ANKRD28: variants seen among roughly 807,000 people sequenced by gnomAD.
ANKRD28 encodes ankyrin repeat domain 28.
In ANKRD28, 44 loss-of-function variants were observed where a neutral mutation model predicts 126.5. That is an observed-to-expected ratio of 0.35 (90% CI 0.27 to 0.45). The LOEUF is 0.45. ANKRD28 is among the 20% of genes least tolerant of loss of function. ANKRD28 has a pLI of 1.00. For synonymous variants in ANKRD28, 442 were observed against 468.5 expected (o/e 0.94, Z 0.73); for missense variants, 1,110 against 1,316.6 (o/e 0.84, Z 2.43).
chr3:15,726,941 C>T (rs1041743337), intron 6 of ANKRD28, among the ~76,000 whole-genome samples: 9 of 152,180 alleles, frequency 5.9e-5, no homozygotes, highest in African/African-American at 1.9e-4. Context: ...TGGAACAAAG[C>T]CTGGATGACA....
At chr3:15,711,110 T>C (rs2072213381) in intron 12 of ANKRD28, 101 bp downstream of exon 12, 3 of 1,035,136 alleles carry the variant, frequency 2.9e-6, no homozygotes, top group Middle Eastern at 2.5e-4. Flanking sequence ...TTGTTTTCTA[T>C]TTTCTGGCAG....
At chr3:15,851,121 G>A (rs1430416710) in intron 1 of ANKRD28, among the ~76,000 whole-genome samples, 1 of 152,088 alleles carries the variant, frequency 6.6e-6, no homozygotes, top group Non-Finnish European at 1.5e-5. Flanking sequence ...AGAGAAACTG[G>A]GTTTGTTTTT....
At chr3:15,754,651 A>G (rs1360895681) in intron 3 of ANKRD28, among the ~76,000 whole-genome samples, 1 of 152,156 alleles carries the variant, frequency 6.6e-6, no homozygotes. Context: ...ATACCTCTTC[A>G]AAAGGGGGTA....
intron 14 of ANKRD28, among the ~76,000 whole-genome samples, chr3:15,704,871 C>G (rs185430261): frequency 1.3e-5 from 2 of 152,260 alleles, no homozygotes; most frequent in East Asian, 3.9e-4. Context: ...TGATGGCACT[C>G]GACAGGCTCT....
intron 1 of ANKRD28, among the ~76,000 whole-genome samples, chr3:15,825,506 T>C (rs1206203746): frequency 6.6e-6 from 1 of 152,036 alleles, no homozygotes; most frequent in African/African-American, 2.4e-5. Context: ...AAGAATAAAA[T>C]TCTAGGTCAT....
At chr3:15,752,928 T>G (rs939106017) in intron 3 of ANKRD28, among the ~76,000 whole-genome samples, 3 of 152,220 alleles carry the variant, frequency 2.0e-5, no homozygotes, top group African/African-American at 7.2e-5. Context: ...AAGATTAACA[T>G]ATAATAAATG....
At chr3:15,725,024 T>C (rs1441877116) in intron 6 of ANKRD28, among the ~76,000 whole-genome samples, 6 of 152,106 alleles carry the variant, frequency 3.9e-5, no homozygotes, top group Non-Finnish European at 8.8e-5. Flanking sequence ...ATAATTTTGG[T>C]AAGTGTTGGC....
At chr3:15,803,668 T>C (rs1274029103) in intron 1 of ANKRD28, among the ~76,000 whole-genome samples, 3 of 115,316 alleles carry the variant, frequency 2.6e-5, no homozygotes, top group South Asian at 3.4e-4. Flanking sequence ...TAGGACATGT[T>C]AATAGACTGG....
In ANKRD28 at chr3:15,796,560, A is replaced by G. The variant is rs1026164428; in HGVS notation, c.-39T>C. The G allele has an allele frequency of 1.0e-5, 13 of 1,259,622 alleles. No individual in the cohort carries two copies. The highest frequency in any genetic ancestry group is 1.3e-5 in the Non-Finnish European group (13 of 970,466). The allele number at this position is 1,259,622 out of a possible 1,614,324, so 78.0% of individuals were successfully genotyped here. The stretch of plus-strand genomic sequence containing the variant: ...ACACTAAATTCCAAGCTATGTGATA[A>G]AAGTCACAGTTGGAAGAGCACAAGT... On this transcript the variant is annotated 5_prime_UTR_variant, in exon 1 of 28. Coordinates refer to ENST00000683139, the MANE Select transcript of ANKRD28 (RefSeq NM_001349278.2).
At chr3:15,760,548 A>G (rs997690892) in intron 3 of ANKRD28, among the ~76,000 whole-genome samples, 1 of 152,218 alleles carries the variant, frequency 6.6e-6, no homozygotes, top group African/African-American at 2.4e-5. Flanking sequence ...TACAGAGTAG[A>G]GTAAACTAGG....
At chr3:15,677,306 C>G (rs1006646961) in intron 25 of ANKRD28, among the ~76,000 whole-genome samples, 174 bp downstream of exon 25, 7 of 152,130 alleles carry the variant, frequency 4.6e-5, no homozygotes, top group African/African-American at 1.4e-4. Flanking sequence ...ATTTGGCTTA[C>G]TGGAGACTTT....
At chr3:15,767,895 A>G (rs1320069425) in intron 2 of ANKRD28, among the ~76,000 whole-genome samples, 1 of 148,976 alleles carries the variant, frequency 6.7e-6, no homozygotes, top group Non-Finnish European at 1.5e-5. Flanking sequence ...CACCAAAACA[A>G]AACAAAACAA....
intron 1 of ANKRD28, among the ~76,000 whole-genome samples, chr3:15,831,734 C>T (rs1393749768): frequency 1.3e-5 from 2 of 152,200 alleles, no homozygotes; most frequent in Non-Finnish European, 2.9e-5. Context: ...AAAGCAATTG[C>T]ACATTCTGAG....
chr3:15,722,138 C>G (rs1018404136), intron 7 of ANKRD28, among the ~76,000 whole-genome samples: 2 of 152,112 alleles, frequency 1.3e-5, no homozygotes, highest in Admixed American at 1.3e-4. Context: ...CTGTCCTTTG[C>G]CCCTGGCTTC....
intron 1 of ANKRD28, among the ~76,000 whole-genome samples, chr3:15,840,704 G>A (rs1215203002): frequency 6.6e-6 from 1 of 152,154 alleles, no homozygotes; most frequent in Non-Finnish European, 1.5e-5. Context: ...ATAGATCAGT[G>A]GAACACAATA....
intron 1 of ANKRD28, among the ~76,000 whole-genome samples, chr3:15,822,577 C>T (rs1045875120): frequency 1.3e-5 from 2 of 151,960 alleles, no homozygotes; most frequent in African/African-American, 4.8e-5. Flanking sequence ...ATATCCTGGT[C>T]ACAAGAGAAA....
At chr3:15,793,696 C>T (rs1002439348) in intron 2 of ANKRD28, among the ~76,000 whole-genome samples, 2 of 152,162 alleles carry the variant, frequency 1.3e-5, no homozygotes, top group South Asian at 2.1e-4. Context: ...TGCGTCTATA[C>T]CCCTTGAGCT....
intron 2 of ANKRD28, among the ~76,000 whole-genome samples, chr3:15,792,396 C>G (rs6762442): frequency 0.69 from 104,629 of 152,014 alleles, 36,383 homozygotes; most frequent in East Asian, 0.93. Flanking sequence ...CATAAAAAAA[C>G]AGACCCAGTC....
In ANKRD28 at chr3:15,853,865, A is replaced by G. The variant is rs1218984597; in HGVS notation, c.27+5512T>C. 2.0e-5 allele frequency among the ~76,000 whole-genome samples: 3 copies of G among 152,028 alleles called. No homozygotes were observed. Among genetic ancestry groups the G allele is most frequent in the Non-Finnish European group, 4.4e-5 (3 of 68,014 alleles). On this transcript the variant is annotated intron_variant, in intron 1 of 27. Coordinates refer to the ANKRD28 transcript ENST00000399451. The surrounding 1 kb of genome is among the most constrained non-coding windows in gnomAD (Gnocchi z 4.2). ...ACCAATTATCATACAAATCCAAGAC[A>G]CTCTCAATTGTAGATACAAACAGGT...
Sources: gnomAD v4.1 joint callset for allele counts (sites outside exome capture counted in the v4.1 genomes callset) on GRCh38, gnomAD v4.1.1 for gene constraint, Gnocchi (gnomAD v3.1) non-coding constraint, MANE v1.5 for transcripts, NCBI Gene and HGNC (gene_info 2026-07-23, HGNC 2026-07-21) for gene names.